HHIP: variants seen among roughly 807,000 people sequenced by gnomAD.
The protein encoded by HHIP is hedgehog interacting protein.
A neutral mutation model predicts 74.0 loss-of-function variants in HHIP; 12 were observed. The ratio of observed to expected loss-of-function variants is 0.16; its 90% CI spans 0.10 to 0.26. The LOEUF (loss-of-function observed/expected upper bound fraction) is 0.26. Ranked by LOEUF, HHIP falls within the 10% of genes least tolerant of loss-of-function variation. HHIP has a pLI of 1.00. For missense variants in HHIP, 788 were observed against 845.0 expected, an observed-to-expected ratio of 0.93 and a Z score of 0.84; for synonymous variants, 309 against 311.6, an observed-to-expected ratio of 0.99 and a Z score of 0.09.
chr4:144,673,366 G>C (rs1729092226), intron 4 of HHIP, among the ~76,000 whole-genome samples: 1 of 152,118 alleles, frequency 6.6e-6, no homozygotes, highest in Non-Finnish European at 1.5e-5. Context: ...AGCAACATAG[G>C]ATATTTCATG....
intron 4 of HHIP, among the ~76,000 whole-genome samples, chr4:144,679,247 G>A (rs1262317441): frequency 6.6e-6 from 1 of 151,704 alleles, no homozygotes; most frequent in African/African-American, 2.4e-5. Flanking sequence ...TTGTAAATTT[G>A]TTTAAGTTCT....
chr4:144,654,548 T>G (rs375611182), intron 2 of HHIP, among the ~76,000 whole-genome samples: 1 of 152,328 alleles, frequency 6.6e-6, no homozygotes, highest in East Asian at 1.9e-4. Context: ...GCCCCAAAAG[T>G]GAGCTGTAAT....
chr4:144,667,506 C>T (rs1014703567), intron 4 of HHIP, among the ~76,000 whole-genome samples: 7 of 152,076 alleles, frequency 4.6e-5, no homozygotes, highest in African/African-American at 1.7e-4. Context: ...GAAAGATAAA[C>T]CTAGGATATG....
At chr4:144,684,277 G>T (rs1578697562) in intron 4 of HHIP, among the ~76,000 whole-genome samples, 1 of 32,356 alleles carries the variant, frequency 3.1e-5, no homozygotes, top group Non-Finnish European at 5.5e-5. Context: ...TTTTTTTTTT[G>T]AGACGGAGTC....
chr4:144,681,837 C>T (rs1159692032), intron 4 of HHIP, among the ~76,000 whole-genome samples: 1 of 152,178 alleles, frequency 6.6e-6, no homozygotes, highest in Non-Finnish European at 1.5e-5. Context: ...AATGAAGCAA[C>T]ATTGGCTTCT....
At chr4:144,703,247 T>C (rs185292471) in intron 4 of HHIP, among the ~76,000 whole-genome samples, 6 of 151,352 alleles carry the variant, frequency 4.0e-5, no homozygotes, top group African/African-American at 9.7e-5. Context: ...TAGAAATCAG[T>C]GTCTTTTTGA....
intron 4 of HHIP, among the ~76,000 whole-genome samples, chr4:144,661,519 C>T (rs561769741): frequency 2.0e-5 from 3 of 152,234 alleles, no homozygotes; most frequent in East Asian, 1.9e-4. Context: ...ATATATCACA[C>T]GGATATCAGA....
chr4:144,669,917 G>A (rs890916136), intron 4 of HHIP, among the ~76,000 whole-genome samples: 9 of 149,704 alleles, frequency 6.0e-5, no homozygotes, highest in Admixed American at 3.3e-4. Context: ...GAAGCCAAGC[G>A]GATCACGAGG....
rs201925393 is a variant in HHIP at position 144,658,860 on chromosome 4, A to G, written c.543A>G (p.Pro181=). ...GAAAAGATGGTGGGTTGTGCTTTCCAGATTTTCCAAGAAAACAAGTCAGAG... is the reference window on the plus strand; with the variant it reads ...GAAAAGATGGTGGGTTGTGCTTTCCGGATTTTCCAAGAAAACAAGTCAGAG... The part of the protein sequence containing the change: ...YARKDGGLCF[P]DFPRKQVRGP... Residue 181 remains proline, a synonymous_variant, in exon 3 of 13, where the codon CCA becomes CCG. Coordinates refer to ENST00000296575, the MANE Select transcript of HHIP (RefSeq NM_022475.3). 6.2e-7 allele frequency: 1 copy of G among 1,613,734 alleles called. No homozygotes were observed. Among genetic ancestry groups the G allele is most frequent in the African/African-American group, 1.3e-5 (1 of 74,928 alleles).
At chr4:144,725,586 A>C (rs1730773642) in intron 11 of HHIP, among the ~76,000 whole-genome samples, 1 of 152,192 alleles carries the variant, frequency 6.6e-6, no homozygotes, top group African/African-American at 2.4e-5. Flanking sequence ...TAAAACAAAA[A>C]TACTGCATTC....
rs1253476781 is a variant in HHIP, at chr4:144,706,630, G to T, written c.931G>T (p.Ala311Ser). 19 of 1,613,664 alleles carry T rather than the reference G, an allele frequency of 1.2e-5. No homozygotes were observed. Among genetic ancestry groups the T allele is most frequent in the Non-Finnish European group, 1.6e-5 (19 of 1,179,828 alleles). Reference sequence around the variant, plus strand: ...CTATACCACCAACCAAGAACGGTGGGCTATCGGGCCTCATGACCACATTCT... The same window carrying T: ...CTATACCACCAACCAAGAACGGTGGTCTATCGGGCCTCATGACCACATTCT... Reference protein sequence around the residue: ...VSYTTNQERWAIGPHDHILRV... With the variant: ...VSYTTNQERWSIGPHDHILRV... Residue 311 changes from alanine (A) to serine (S), a missense_variant, in exon 5 of 13, where the codon GCT becomes TCT. This residue lies in a region of HHIP where 373 missense variants were observed against 366.4 expected (regional missense o/e 1.02). Coordinates refer to ENST00000296575, the MANE Select transcript of HHIP (RefSeq NM_022475.3).
intron 7 of HHIP, 80 bp downstream of exon 7, chr4:144,708,391 T>C: frequency 6.9e-7 from 1 of 1,453,274 alleles, no homozygotes; most frequent in Non-Finnish European, 9.5e-7. Context: ...GCATAGAGCA[T>C]ATACCATCAC....
At chr4:144,658,698 C>T (rs1728616197) in intron 2 of HHIP, 92 bp from the exon 3 acceptor site, 5 of 1,086,874 alleles carry the variant, frequency 4.6e-6, no homozygotes, top group Non-Finnish European at 5.3e-6. Flanking sequence ...CCTAGTTTCC[C>T]AAAATTCTTT....
intron 4 of HHIP, among the ~76,000 whole-genome samples, chr4:144,700,613 G>T (rs2056918999): frequency 6.6e-6 from 1 of 152,242 alleles, no homozygotes; most frequent in African/African-American, 2.4e-5. Context: ...ATATGAGAAG[G>T]ATTCAATCCA....
intron 3 of HHIP, 27 bp downstream of exon 3, chr4:144,658,973 CT>C: frequency 6.4e-7 from 1 of 1,553,974 alleles, no homozygotes; most frequent in Non-Finnish European, 8.7e-7. Context: ...GCTCTTTAAT[CT>C]TTTTAAAAAA....
At chr4:144,714,456 G>C (rs1278642722) in intron 9 of HHIP, 108 bp downstream of exon 9, 5 of 1,078,118 alleles carry the variant, frequency 4.6e-6, no homozygotes, top group Non-Finnish European at 5.6e-6. Flanking sequence ...TTGTGCATCA[G>C]ATGGGGAATA....
At chr4:144,679,559 A>G (rs894058172) in intron 4 of HHIP, among the ~76,000 whole-genome samples, 3 of 152,166 alleles carry the variant, frequency 2.0e-5, no homozygotes, top group African/African-American at 7.2e-5. Flanking sequence ...ATAAAGTGTA[A>G]GTAAGGGGTC....
intron 7 of HHIP, among the ~76,000 whole-genome samples, chr4:144,710,799 C>A (rs1046963323): frequency 1.3e-5 from 2 of 152,108 alleles, no homozygotes; most frequent in Non-Finnish European, 2.9e-5. Context: ...AGCACAGCCT[C>A]CCCAGACAAA....
At chr4:144,684,684 A>G (rs1729440469) in intron 4 of HHIP, among the ~76,000 whole-genome samples, 1 of 152,174 alleles carries the variant, frequency 6.6e-6, no homozygotes, top group African/African-American at 2.4e-5. Context: ...TACACATTAT[A>G]GTCCTATTTG....
Sources: gnomAD v4.1 joint callset for allele counts (sites outside exome capture counted in the v4.1 genomes callset) on GRCh38, gnomAD v4.1.1 for gene constraint, gnomAD v4.1.1 regional missense constraint, MANE v1.5 for transcripts, NCBI Gene and HGNC (gene_info 2026-07-23, HGNC 2026-07-21) for gene names.